FEZ2: variants seen among roughly 807,000 people sequenced by gnomAD.
FEZ2 encodes the protein fasciculation and elongation protein zeta 2.
In FEZ2, 51 loss-of-function variants were observed where a neutral mutation model predicts 40.4. The observed-to-expected ratio is 1.26, with a 90% CI of 1.01 to 1.59. The LOEUF (loss-of-function observed/expected upper bound fraction) is 1.59. FEZ2 is among the 40% of genes most tolerant of loss of function. The pLI is 0.00. For missense variants in FEZ2, 640 were observed against 438.3 expected (o/e 1.46, Z -4.11); for synonymous variants, 242 against 172.0 (o/e 1.41, Z -3.18).
At chr2:36,555,629 T>C (rs1667938812) in intron 7 of FEZ2, 54 bp downstream of exon 7, 1 of 940,636 alleles carries the variant, frequency 1.1e-6, no homozygotes, top group Non-Finnish European at 1.6e-6. Flanking sequence ...GCGATGTATT[T>C]ACTGACTAAT....
At chr2:36,578,010 G>A (rs986703511) in intron 5 of FEZ2, among the ~76,000 whole-genome samples, 3 of 152,192 alleles carry the variant, frequency 2.0e-5, no homozygotes, top group Admixed American at 6.5e-5. Context: ...AAGGGTCAGC[G>A]TTTCAGATGT....
At chr2:36,571,571 C>T (rs576446011) in intron 5 of FEZ2, among the ~76,000 whole-genome samples, 1 of 152,070 alleles carries the variant, frequency 6.6e-6, no homozygotes, top group South Asian at 2.1e-4. Flanking sequence ...AGGAGAACCG[C>T]TTGAACCCAG....
At chr2:36,591,676 C>A (rs1441196286) in intron 1 of FEZ2, 1 of 152,254 alleles carries the variant, frequency 6.6e-6, no homozygotes, top group Non-Finnish European at 1.5e-5. Context: ...CAGGCTCTAT[C>A]CAATGCAGTT....
intron 5 of FEZ2, among the ~76,000 whole-genome samples, chr2:36,560,258 G>A (rs556210922): frequency 5.3e-5 from 8 of 152,142 alleles, no homozygotes; most frequent in African/African-American, 1.4e-4. Context: ...CGCATGCCTC[G>A]TTTGGCAGAC....
chr2:36,583,283 G>A, intron 3 of FEZ2, 70 bp downstream of exon 3: 1 of 797,056 alleles, frequency 1.3e-6, no homozygotes. Flanking sequence ...ATCATTTACT[G>A]TCATAACAAG....
chr2:36,570,946 T>C (rs570379222), intron 5 of FEZ2, among the ~76,000 whole-genome samples: 24 of 152,310 alleles, frequency 1.6e-4, no homozygotes, highest in African/African-American at 5.5e-4. Context: ...GTGAACTTGT[T>C]TATATTAACA....
At chr2:36,553,524 C>T (rs1038907700) in intron 7 of FEZ2, among the ~76,000 whole-genome samples, 1 of 152,144 alleles carries the variant, frequency 6.6e-6, no homozygotes, top group South Asian at 2.1e-4. Context: ...TTTCTGCACA[C>T]ATTTTTATTC....
At chr2:36,592,296 G>A (rs1669094164) in intron 1 of FEZ2, among the ~76,000 whole-genome samples, 1 of 151,924 alleles carries the variant, frequency 6.6e-6, no homozygotes, top group Non-Finnish European at 1.5e-5. Context: ...TAAGTTCCGG[G>A]GTACATGGGC....
chr2:36,567,998 C>A (rs968402232), intron 5 of FEZ2, among the ~76,000 whole-genome samples: 2 of 152,144 alleles, frequency 1.3e-5, no homozygotes, highest in African/African-American at 2.4e-5. Context: ...GATAAAACCT[C>A]AGAGGCAGGT....
chr2:36,574,228 C>T (rs762948229), intron 5 of FEZ2, among the ~76,000 whole-genome samples: 8 of 152,078 alleles, frequency 5.3e-5, no homozygotes, highest in East Asian at 3.9e-4. Context: ...GTATGTAGGA[C>T]GAAGATTCAA....
intron 5 of FEZ2, among the ~76,000 whole-genome samples, chr2:36,566,116 A>G (rs1668231016): frequency 6.6e-6 from 1 of 152,180 alleles, no homozygotes; most frequent in Non-Finnish European, 1.5e-5. Flanking sequence ...TAATAGTAGT[A>G]TAAGAAAAGT....
At position 36,558,521 on chromosome 2, in the gene FEZ2, G is replaced by GT; in HGVS notation, c.904-9dup. On this transcript the variant is annotated splice_polypyrimidine_tract_variant and intron_variant, in intron 5 of 7. Coordinates refer to ENST00000405912, the MANE Select transcript of FEZ2 (RefSeq NM_005102.3). ...AATGACTGTAGTCAAATACTGCCAA[G>GT]TTTAAAAAAAAAAAGTGTCACTTAA... The GT allele has an allele frequency of 7.0e-7, 1 of 1,435,924 alleles. No individual in the cohort carries two copies. Among genetic ancestry groups the GT allele is most frequent in the Non-Finnish European group, 9.3e-7 (1 of 1,077,908 alleles). The allele number at this position is 1,435,924 out of a possible 1,614,324, so 88.9% of individuals were successfully genotyped here.
chr2:36,581,413 C>A lies in FEZ2; in HGVS notation c.511G>T (p.Glu171Ter). 1 of 1,613,412 alleles carries A rather than the reference C, an allele frequency of 6.2e-7. No homozygotes were observed. Among genetic ancestry groups the A allele is most frequent in the Admixed American group, 1.7e-5 (1 of 59,980 alleles). Residue 171 changes from glutamate to a stop codon, truncating the protein, a stop_gained, in exon 4 of 8, where the codon GAA (glutamate) becomes TAA (stop). Coordinates refer to ENST00000405912, the MANE Select transcript of FEZ2 (RefSeq NM_005102.3). LOFTEE classifies it high-confidence loss of function. ...GGGTCCGGTGATTCCTGCATCATTTCTTCAATTTCTTCAATAACCTTCGAA... is the reference window on the plus strand; with the variant it reads ...GGGTCCGGTGATTCCTGCATCATTTATTCAATTTCTTCAATAACCTTCGAA... ...TADQVIEEIE[E>*]MMQESPDPED...
chr2:36,578,692 GTTTGT>G lies in FEZ2; in HGVS notation c.803_807del (p.Asn268ThrfsTer25). ...TTTGCTGTTTCTTTGTGCTCTTTCT[GTTTGT>G]TTTGCACTTCAATAAGAACAGAAAT... On this transcript the variant is annotated frameshift_variant, in exon 5 of 8. Transcript: ENST00000405912. LOFTEE classifies it high-confidence loss of function. 1 of 1,613,500 alleles carries G rather than the reference GTTTGT, an allele frequency of 6.2e-7. No homozygotes were observed. The highest frequency in any genetic ancestry group is 1.1e-5 in the South Asian group (1 of 91,052).
intron 6 of FEZ2, 35 bp from the exon 7 acceptor site, chr2:36,555,783 TAAA>T (rs765929073): frequency 7.1e-6 from 9 of 1,260,040 alleles, no homozygotes; most frequent in Non-Finnish European, 1.0e-5. Flanking sequence ...AGACAACAAT[TAAA>T]AATTTAGATC....
intron 3 of FEZ2, 36 bp downstream of exon 3, chr2:36,583,317 C>T (rs1266768476): frequency 9.5e-7 from 1 of 1,052,068 alleles, no homozygotes; most frequent in Non-Finnish European, 1.5e-6. Context: ...GCTCTAGAGT[C>T]TCCTTTCCTT....
At chr2:36,575,877 T>G (rs1409954491) in intron 5 of FEZ2, among the ~76,000 whole-genome samples, 6 of 152,160 alleles carry the variant, frequency 3.9e-5, no homozygotes, top group Non-Finnish European at 8.8e-5. Flanking sequence ...ATGTACTGCT[T>G]CAGTGAAACA....
At chr2:36,582,606 CCTAGAA>C (rs1668782242) in intron 3 of FEZ2, among the ~76,000 whole-genome samples, 1 of 152,122 alleles carries the variant, frequency 6.6e-6, no homozygotes, top group Non-Finnish European at 1.5e-5. Context: ...TCTTCCCACG[CCTAGAA>C]CAATTCAACC....
chr2:36,568,936 AAAGACG>A (rs1668329718), intron 5 of FEZ2, among the ~76,000 whole-genome samples: 1 of 149,332 alleles, frequency 6.7e-6, no homozygotes, highest in Non-Finnish European at 1.5e-5. Context: ...CCAAAATCTG[AAAGACG>A]AAGAAATGGG....
Sources: allele counts gnomAD v4.1 joint callset (sites outside exome capture counted in the v4.1 genomes callset), GRCh38; gene constraint gnomAD v4.1.1; transcripts MANE v1.5; gene names NCBI Gene and HGNC (gene_info 2026-07-23, HGNC 2026-07-21).